Variants in ZFC3H1 observed in about 807,000 individuals in gnomAD.
ZFC3H1 encodes the protein zinc finger C3H1-type containing.
Under a neutral mutation model 243.7 loss-of-function variants are expected in ZFC3H1, and 71 were observed. That is an observed-to-expected ratio of 0.29 (90% CI 0.24 to 0.36). ZFC3H1 has a LOEUF of 0.36. ZFC3H1 is among the 10% of genes least tolerant of loss of function. The pLI, the probability that ZFC3H1 is intolerant of heterozygous loss-of-function variation, is 1.00. For missense variants in ZFC3H1, 1,966 were observed against 2,317.1 expected (o/e 0.85, Z 3.11); for synonymous variants, 838 against 813.0 (o/e 1.03, Z -0.52).
At chr12:71,639,212 C>T in intron 6 of ZFC3H1, 1 of 152,994 alleles carries the variant, frequency 6.5e-6, no homozygotes, top group East Asian at 1.9e-4. Context: ...ACCCTACCCA[C>T]TAACTATATA....
chr12:71,657,945 C>T (rs1280110168), intron 1 of ZFC3H1, among the ~76,000 whole-genome samples: 1 of 151,470 alleles, frequency 6.6e-6, no homozygotes, highest in Non-Finnish European at 1.5e-5. Context: ...GCCAAGATCA[C>T]ACCACTGCAC....
At chr12:71,610,891 G>T in intron 33 of ZFC3H1, 134 bp from the exon 34 acceptor site, 1 of 1,408,880 alleles carries the variant, frequency 7.1e-7, no homozygotes, top group Non-Finnish European at 9.8e-7. Context: ...TGGAGTTTCC[G>T]AATATTTGGT....
chr12:71,634,029 C>T, intron 12 of ZFC3H1, 126 bp downstream of exon 12: 1 of 960,490 alleles, frequency 1.0e-6, no homozygotes, highest in African/African-American at 1.7e-5. Flanking sequence ...TGACAGACTT[C>T]TACATTCTAC....
intron 6 of ZFC3H1, chr12:71,639,222 A>T (rs563668564): frequency 6.5e-6 from 1 of 153,672 alleles, no homozygotes; most frequent in Admixed American, 6.5e-5. Context: ...CTAACTATAT[A>T]ATCAGAGAAA....
rs971787278 is a variant in ZFC3H1 at position 71,611,771 on chromosome 12, T to C, written c.5729+15A>G. 6.3e-7 allele frequency: 1 copy of C among 1,581,288 alleles called. No homozygotes were observed. The highest frequency in any genetic ancestry group is 8.7e-7 in the Non-Finnish European group (1 of 1,154,790). On this transcript the variant is annotated intron_variant, in intron 32 of 34. Transcript: ENST00000378743. ...AGCAATAGCTATAAAAACATGTACATGATTGTTGCATTACATTTTCCAGGT... is the reference window on the plus strand; with the variant it reads ...AGCAATAGCTATAAAAACATGTACACGATTGTTGCATTACATTTTCCAGGT...
intron 3 of ZFC3H1, among the ~76,000 whole-genome samples, chr12:71,646,802 C>T (rs1323741970): frequency 6.6e-6 from 1 of 152,218 alleles, no homozygotes; most frequent in Non-Finnish European, 1.5e-5. Flanking sequence ...AAAGAAACCA[C>T]TGATTCTGTC....
Position 71,647,729 on chromosome 12 carries a change from C to G in ZFC3H1, c.1080+20G>C. The G allele has an allele frequency of 7.8e-6, 11 of 1,407,982 alleles. No homozygotes were observed. In the East Asian group the frequency reaches 2.7e-4, roughly 35 times the overall value. 87.2% of individuals were successfully genotyped at this position (1,407,982 alleles called of 1,614,324 possible). A position where few individuals can be genotyped will look rare whatever the true frequency, so the allele number is the denominator to read the frequency against. On this transcript the variant is annotated intron_variant, in intron 3 of 34. Coordinates refer to ENST00000378743, the MANE Select transcript of ZFC3H1 (RefSeq NM_144982.5). ...AAATGGGTCTTACAGAGATGATAGTCTCACAAAGCAGTATCTTACCTTTTC... is the reference window on the plus strand; with the variant it reads ...AAATGGGTCTTACAGAGATGATAGTGTCACAAAGCAGTATCTTACCTTTTC...
chr12:71,634,367 T>G (rs117442886), intron 11 of ZFC3H1, 63 bp from the exon 12 acceptor site: 20,391 of 1,524,812 alleles, frequency 0.013, 175 homozygotes, highest in Non-Finnish European at 0.016. Context: ...ATTTTTAAAA[T>G]GTATTCTATT....
At chr12:71,622,195 C>T (rs1219412398) in intron 24 of ZFC3H1, among the ~76,000 whole-genome samples, 1 of 152,110 alleles carries the variant, frequency 6.6e-6, no homozygotes, top group African/African-American at 2.4e-5. Flanking sequence ...CTTTTCTCTC[C>T]TTCCTTCACA....
In ZFC3H1 at chr12:71,630,824, A is replaced by G. The variant is rs1479488201; in HGVS notation, c.3601T>C (p.Trp1201Arg). 2 of 1,612,250 alleles carry G rather than the reference A, an allele frequency of 1.2e-6. No homozygotes were observed. Among genetic ancestry groups the G allele is most frequent in the East Asian group, 4.5e-5 (2 of 44,750 alleles). Reference sequence around the variant, plus strand: ...AAAATGTTCACAAAAACTACTCACCATTGACAATCATCATCATTACATGTT... The same window carrying G: ...AAAATGTTCACAAAAACTACTCACCGTTGACAATCATCATCATTACATGTT... ...TGTCNDDDCQWQHIQDYTLSR... is the reference protein window; with the variant it reads ...TGTCNDDDCQRQHIQDYTLSR... Residue 1201 changes from tryptophan to arginine, a missense_variant and splice_region_variant, in exon 17 of 35, where the codon TGG becomes CGG. Coordinates refer to ENST00000378743, the MANE Select transcript of ZFC3H1 (RefSeq NM_144982.5).
rs1592604557 is a variant in ZFC3H1, at chr12:71,657,310, C to G, written c.599-9G>C. The stretch of plus-strand genomic sequence containing the variant: ...CCTTCCAAAACTTTTGGCTGAACAG[C>G]ATATTAAGGAAACCAGTTTCCAAAA... On this transcript the variant is annotated splice_polypyrimidine_tract_variant and intron_variant, in intron 1 of 34. Coordinates refer to ENST00000378743, the MANE Select transcript of ZFC3H1 (RefSeq NM_144982.5). 6.9e-7 allele frequency: 1 copy of G among 1,456,652 alleles called. No individual in the cohort carries two copies. The highest frequency in any genetic ancestry group is 9.0e-7 in the Non-Finnish European group (1 of 1,105,234). The allele number at this position is 1,456,652 out of a possible 1,614,324, so 90.2% of individuals were successfully genotyped here.
chr12:71,629,769 T>A, intron 18 of ZFC3H1, 59 bp from the exon 19 acceptor site: 1 of 1,093,370 alleles, frequency 9.1e-7, no homozygotes, highest in Non-Finnish European at 1.4e-6. Context: ...CTAGGATAAT[T>A]AAAATGTATG....
chr12:71,641,924 A>G (rs932488060), intron 6 of ZFC3H1, among the ~76,000 whole-genome samples: 3 of 152,100 alleles, frequency 2.0e-5, no homozygotes, highest in African/African-American at 7.2e-5. Context: ...ACGTCAGCTC[A>G]CTGCAACCTC....
rs555594064 is a variant in ZFC3H1, at chr12:71,630,728, T to TAA, written c.3603-9_3603-8dup. The TAA allele has an allele frequency of 3.1e-6, 5 of 1,595,926 alleles. No individual in the cohort carries two copies. The highest frequency in any genetic ancestry group is 4.3e-6 in the Non-Finnish European group (5 of 1,172,162). ...ATAGTCTTGTATATGCTGCCTAAGA[T>TAA]AAAAAAAAACACAGAAAAGATAATC... On this transcript the variant is annotated splice_polypyrimidine_tract_variant and splice_region_variant and intron_variant, in intron 17 of 34. Coordinates refer to ENST00000378743, the MANE Select transcript of ZFC3H1 (RefSeq NM_144982.5).
Position 71,633,307 on chromosome 12 carries a change from AT to A in ZFC3H1, c.2641del (p.Ile881PhefsTer9). 1.9e-6 allele frequency: 3 copies of A among 1,593,500 alleles called. No homozygotes were observed. The highest frequency in any genetic ancestry group is 2.6e-6 in the Non-Finnish European group (3 of 1,173,296). Reference protein sequence around the residue: ...LTEQLQATEKILNVNRMFLKK... With the variant: ...LTEQLQATEKXLNVNRMFLKK... ...CAAAAACATTCTGTTAACATTAAGA[AT>A]TTTTTCAGTTGCTTGAAGCTGTTCT... On this transcript the variant is annotated frameshift_variant, in exon 13 of 35. Coordinates refer to ENST00000378743, the MANE Select transcript of ZFC3H1 (RefSeq NM_144982.5). LOFTEE classifies it high-confidence loss of function.
At chr12:71,649,652 A>T (rs924109186) in intron 2 of ZFC3H1, among the ~76,000 whole-genome samples, 3 of 152,356 alleles carry the variant, frequency 2.0e-5, no homozygotes, top group Admixed American at 1.3e-4. Flanking sequence ...AGAAAAAATG[A>T]TCACGCTTTT....
At chr12:71,634,652 G>A (rs1880414522) in intron 11 of ZFC3H1, 52 bp downstream of exon 11, 1 of 1,538,368 alleles carries the variant, frequency 6.5e-7, no homozygotes, top group Non-Finnish European at 8.7e-7. Context: ...TATAAGAGAA[G>A]TTTTGAAAAC....
At chr12:71,651,678 G>A (rs537975140) in intron 2 of ZFC3H1, among the ~76,000 whole-genome samples, 2 of 152,138 alleles carry the variant, frequency 1.3e-5, no homozygotes, top group African/African-American at 4.8e-5. Flanking sequence ...AGCTGGTACC[G>A]ACTAGACCTC....
Position 71,611,104 on chromosome 12 carries a change from G to GGA in ZFC3H1, c.5730-8_5730-7insTC. ...AATCTCAGCAGCAATGGCTCTAAGA[G>GGA]AAAAAAAAAAAAAAAGAAATATAGA... is the stretch of plus-strand genomic sequence containing the variant. On this transcript the variant is annotated splice_polypyrimidine_tract_variant and splice_region_variant and intron_variant, in intron 32 of 34. Transcript: ENST00000378743. 4 of 1,279,700 alleles carry GGA rather than the reference G, an allele frequency of 3.1e-6. No individual in the cohort carries two copies. Among genetic ancestry groups the GGA allele is most frequent in the Non-Finnish European group, 4.1e-6 (4 of 983,334 alleles). The allele number at this position is 1,279,700 out of a possible 1,614,324, so 79.3% of individuals were successfully genotyped here.
Sources: gnomAD v4.1 joint callset for allele counts (sites outside exome capture counted in the v4.1 genomes callset) on GRCh38, gnomAD v4.1.1 for gene constraint, MANE v1.5 for transcripts, NCBI Gene and HGNC (gene_info 2026-07-23, HGNC 2026-07-21) for gene names.